The following SARNP variants were observed in gnomAD, a reference collection of about 807,000 sequenced individuals.
SARNP encodes the protein SAP domain containing ribonucleoprotein.
A neutral mutation model predicts 38.1 loss-of-function variants in SARNP; 5 were observed. That is an observed-to-expected ratio of 0.13 (90% CI 0.07 to 0.28). The LOEUF is 0.28. Among genes scored for constraint, SARNP ranks in the 10% least tolerant of loss-of-function variants. SARNP has a pLI of 1.00. For synonymous variants in SARNP, 84 were observed against 80.6 expected (o/e 1.04, Z -0.23); for missense variants, 180 against 243.9 (o/e 0.74, Z 1.75).
At chr12:55,784,039 C>T (rs1879415502) in intron 9 of SARNP, among the ~76,000 whole-genome samples, 1 of 152,146 alleles carries the variant, frequency 6.6e-6, no homozygotes, top group Non-Finnish European at 1.5e-5. Flanking sequence ...GCCAAGTCCA[C>T]TAAAGAGAAA....
rs947057459 is a variant in SARNP at position 55,786,491 on chromosome 12, C to T, written c.501+2584G>A. ...TTGAGATGGAGTCTCACTCTGTTAC[C>T]CAGGCTGGAGTACGGTGGCGCAATC... On this transcript the variant is annotated intron_variant, in intron 9 of 10. Coordinates refer to ENST00000336133, the MANE Select transcript of SARNP (RefSeq NM_033082.4). Among the ~76,000 whole-genome samples, 6 of 152,270 alleles carry T rather than the reference C, an allele frequency of 3.9e-5. No individual in the cohort carries two copies. In the East Asian group the frequency reaches 7.7e-4, roughly 20 times the overall value.
At chr12:55,760,786 G>A (rs1025783691) in intron 9 of SARNP, 146 bp from the exon 10 acceptor site, 5 of 625,308 alleles carry the variant, frequency 8.0e-6, no homozygotes, top group African/African-American at 5.5e-5. Context: ...AGATACATAA[G>A]AAACTGAATA....
At chr12:55,803,209 C>T (rs1478610205) in intron 2 of SARNP, among the ~76,000 whole-genome samples, 5 of 152,084 alleles carry the variant, frequency 3.3e-5, no homozygotes, top group East Asian at 1.9e-4. Context: ...GATGGCTGGG[C>T]GCGGTGGCTC....
chr12:55,795,016 G>C, intron 5 of SARNP, 136 bp from the exon 6 acceptor site: 1 of 566,142 alleles, frequency 1.8e-6, no homozygotes, highest in Admixed American at 3.4e-5. Context: ...CTGGAGTGCA[G>C]TGGCATGATC....
At chr12:55,812,483 A>C (rs979435959) in intron 1 of SARNP, among the ~76,000 whole-genome samples, 2 of 152,234 alleles carry the variant, frequency 1.3e-5, no homozygotes, top group Non-Finnish European at 1.5e-5. Flanking sequence ...CAGGTGCTCC[A>C]TATTTTCTGA....
At chr12:55,811,162 A>T (rs1271381921) in intron 1 of SARNP, among the ~76,000 whole-genome samples, 1 of 152,156 alleles carries the variant, frequency 6.6e-6, no homozygotes, top group East Asian at 1.9e-4. Context: ...GATGTTTTAG[A>T]CCACCTATAA....
chr12:55,772,913 C>T lies in SARNP; in HGVS notation c.502-12273G>A, dbSNP rs1879053693. 2.0e-5 allele frequency among the ~76,000 whole-genome samples: 3 copies of T among 152,062 alleles called. No individual in the cohort carries two copies. The South Asian group carries it at 6.2e-4, about 32-fold the overall frequency. ...ATTTTTCAGTAGAGACAGGGTTTCT[C>T]CATGTTGGCCAGGCTGGTCTCTAAC... On this transcript the variant is annotated intron_variant, in intron 9 of 10. Coordinates refer to ENST00000336133, the MANE Select transcript of SARNP (RefSeq NM_033082.4).
At chr12:55,809,781 T>C in intron 1 of SARNP, among the ~76,000 whole-genome samples, 1 of 151,284 alleles carries the variant, frequency 6.6e-6, no homozygotes, top group Non-Finnish European at 1.5e-5. Flanking sequence ...TTATAGAACA[T>C]TCTATAAGGA....
At chr12:55,764,822 C>A in intron 9 of SARNP, among the ~76,000 whole-genome samples, 1 of 131,480 alleles carries the variant, frequency 7.6e-6, no homozygotes, top group South Asian at 2.5e-4. Context: ...CAGAGCCAGA[C>A]TCTGTCTCAC....
intron 8 of SARNP, 103 bp downstream of exon 8, chr12:55,790,464 T>G (rs1879632112): frequency 7.9e-7 from 1 of 1,270,646 alleles, no homozygotes; most frequent in African/African-American, 1.5e-5. Flanking sequence ...GTCAACAAAT[T>G]AATGTTCTCA....
intron 7 of SARNP, chr12:55,794,149 C>A (rs528216814): frequency 1.8e-6 from 1 of 550,120 alleles, no homozygotes; most frequent in Admixed American, 3.6e-5. Flanking sequence ...AATGTTGGCA[C>A]TTCCTATCCT....
chr12:55,767,527 C>A (rs775818029), intron 9 of SARNP, among the ~76,000 whole-genome samples: 3 of 151,904 alleles, frequency 2.0e-5, no homozygotes, highest in Non-Finnish European at 2.9e-5. Flanking sequence ...TCAGTCTGGG[C>A]AACAGAGTGA....
chr12:55,766,551 A>G (rs1364031004), intron 9 of SARNP, among the ~76,000 whole-genome samples: 1 of 147,672 alleles, frequency 6.8e-6, no homozygotes, highest in African/African-American at 2.5e-5. Context: ...CAATTGTGCA[A>G]AAGAGGAGAG....
chr12:55,770,712 C>T (rs1250398657), intron 9 of SARNP, among the ~76,000 whole-genome samples: 5 of 152,176 alleles, frequency 3.3e-5, no homozygotes, highest in Admixed American at 2.6e-4. Flanking sequence ...ATTACTATGT[C>T]TACCCAAAAT....
In SARNP at chr12:55,817,689, T is replaced by C. The variant is rs1366473143; in HGVS notation, c.13A>G (p.Thr5Ala). 7.4e-6 allele frequency: 12 copies of C among 1,613,098 alleles called. No homozygotes were observed. The highest frequency in any genetic ancestry group is 6.7e-5 in the African/African-American group (5 of 74,884). The change falls in exon 1 of 11, where the codon ACG becomes GCG. Residue 5 changes from threonine to alanine, a missense_variant. Physicochemically the swap from Thr to Ala is moderately conservative, Grantham distance 58 (BLOSUM62 0). Transcript: ENST00000336133. ...ACCTTTAGCTTATGGAGCTCCACCGTCTCGGTCGCCATCTTGTTACCCCTC... is the reference window on the plus strand; with the variant it reads ...ACCTTTAGCTTATGGAGCTCCACCGCCTCGGTCGCCATCTTGTTACCCCTC... The part of the protein sequence containing the change: MATE[T>A]VELHKLKLAE...
At chr12:55,788,802 G>GA (rs1879581106) in intron 9 of SARNP, among the ~76,000 whole-genome samples, 1 of 151,180 alleles carries the variant, frequency 6.6e-6, no homozygotes, top group Non-Finnish European at 1.5e-5. Context: ...TGTCTCAAAG[G>GA]AAAAAAAAGA....
At chr12:55,765,112 AC>A (rs1432274493) in intron 9 of SARNP, among the ~76,000 whole-genome samples, 1 of 152,128 alleles carries the variant, frequency 6.6e-6, no homozygotes, top group Admixed American at 6.5e-5. Context: ...TTGTTAAACT[AC>A]CATTATAAAC....
intron 9 of SARNP, among the ~76,000 whole-genome samples, chr12:55,769,426 C>T (rs925379698): frequency 3.9e-5 from 6 of 152,196 alleles, no homozygotes; most frequent in Non-Finnish European, 8.8e-5. Context: ...CTGTTCTTTA[C>T]ATAACTACAT....
intron 4 of SARNP, among the ~76,000 whole-genome samples, chr12:55,796,939 T>C (rs990831902): frequency 6.6e-6 from 1 of 151,902 alleles, no homozygotes; most frequent in Non-Finnish European, 1.5e-5. Flanking sequence ...TAGGAAAACA[T>C]GGTAAGCTAG....
Sources: allele counts gnomAD v4.1 joint callset (sites outside exome capture counted in the v4.1 genomes callset), GRCh38; gene constraint gnomAD v4.1.1; transcripts MANE v1.5; gene names NCBI Gene and HGNC (gene_info 2026-07-23, HGNC 2026-07-21).